The following DPYD variants were observed in gnomAD, a reference collection of about 807,000 sequenced individuals.
DPYD encodes dihydropyrimidine dehydrogenase [NADP(+)].
DPYD carries 109 observed loss-of-function variants against 116.2 expected under a neutral mutation model. The observed-to-expected ratio is 0.94, with a 90% CI of 0.80 to 1.10. The LOEUF (loss-of-function observed/expected upper bound fraction) is 1.10. Ranked by LOEUF, DPYD falls within the 50% of genes least tolerant of loss-of-function variation. The pLI is 0.00. For synonymous variants in DPYD, 440 were observed against 432.0 expected (o/e 1.02, Z -0.23); for missense variants, 1,302 against 1,254.5 (o/e 1.04, Z -0.57).
chr1:97,476,925 C>T (rs1218709567), intron 13 of DPYD, among the ~76,000 whole-genome samples: 1 of 152,066 alleles, frequency 6.6e-6, no homozygotes, highest in Non-Finnish European at 1.5e-5. Context: ...AAAAAATGTA[C>T]ATTCTTTAAT....
chr1:97,107,213 A>C (rs764383188), intron 20 of DPYD, among the ~76,000 whole-genome samples: 11 of 150,694 alleles, frequency 7.3e-5, no homozygotes, highest in Non-Finnish European at 1.5e-4. Context: ...TCTGCAGATG[A>C]CCCCTCCTTT....
At position 97,146,431 on chromosome 1, in the gene DPYD, T is replaced by C. The variant is rs17116476; in HGVS notation, c.2622+46638A>G. Reference sequence around the variant, plus strand: ...ATCATCCCAACCATAAGCTCTTGAATTGGCAAATGTAAAGGAAGCACACCA... The same window carrying C: ...ATCATCCCAACCATAAGCTCTTGAACTGGCAAATGTAAAGGAAGCACACCA... On this transcript the variant is annotated intron_variant, in intron 20 of 22. Transcript: ENST00000370192. 7.4e-3 allele frequency among the ~76,000 whole-genome samples: 1,123 copies of C among 152,238 alleles called. 17 individuals carry two copies. Among genetic ancestry groups the C allele is most frequent in the African/African-American group, 0.025 (1,051 of 41,540 alleles).
chr1:97,661,161 A>C (rs13375516), intron 8 of DPYD, among the ~76,000 whole-genome samples: 23,412 of 152,150 alleles, frequency 0.15, 2,010 homozygotes, highest in African/African-American at 0.22. Flanking sequence ...TTAAAAATAT[A>C]TGCTCATTTG....
At chr1:97,611,459 G>C (rs996199246) in intron 8 of DPYD, among the ~76,000 whole-genome samples, 68 of 152,076 alleles carry the variant, frequency 4.5e-4, no homozygotes, top group African/African-American at 1.6e-3. Context: ...TTTTTCTATA[G>C]AGAGAAAAAA....
At position 97,078,419 on chromosome 1, in the gene DPYD, A is replaced by G. The variant is rs1244718265; in HGVS notation, c.*557T>C. 5.7e-6 allele frequency: 1 copy of G among 173,980 alleles called. No homozygotes were observed. Among genetic ancestry groups the G allele is most frequent in the Non-Finnish European group, 1.2e-5 (1 of 80,954 alleles). 10.8% of individuals were successfully genotyped at this position (173,980 alleles called of 1,614,324 possible). Reference sequence around the variant, plus strand: ...GGGATTTTACTTAATAAAGTTCTACAAACTCAATTTTAGGCTTTCTTATCC... The same window carrying G: ...GGGATTTTACTTAATAAAGTTCTACGAACTCAATTTTAGGCTTTCTTATCC... On this transcript the variant is annotated 3_prime_UTR_variant, in exon 23 of 23. Transcript: ENST00000370192.
chr1:97,822,109 C>T (rs1371805803), intron 3 of DPYD, among the ~76,000 whole-genome samples: 1 of 151,118 alleles, frequency 6.6e-6, no homozygotes, highest in East Asian at 1.9e-4. Flanking sequence ...AAGCATACGC[C>T]TCAAAAAATT....
At chr1:97,154,470 A>G (rs1007570206) in intron 20 of DPYD, among the ~76,000 whole-genome samples, 1 of 152,142 alleles carries the variant, frequency 6.6e-6, no homozygotes, top group African/African-American at 2.4e-5. Flanking sequence ...AGAATGATAC[A>G]GTGGGGCCAG....
At chr1:97,629,093 A>G (rs1390299808) in intron 8 of DPYD, among the ~76,000 whole-genome samples, 1 of 152,062 alleles carries the variant, frequency 6.6e-6, no homozygotes, top group Non-Finnish European at 1.5e-5. Flanking sequence ...AATGATTAAC[A>G]TTAAAAATAA....
chr1:97,570,092 G>T (rs561774075), intron 11 of DPYD, among the ~76,000 whole-genome samples: 5 of 151,946 alleles, frequency 3.3e-5, no homozygotes, highest in Admixed American at 1.3e-4. Context: ...GATATATTAG[G>T]TGTATAACAC....
chr1:97,422,309 C>T (rs747037809), intron 14 of DPYD, among the ~76,000 whole-genome samples: 1 of 152,092 alleles, frequency 6.6e-6, no homozygotes, highest in African/African-American at 2.4e-5. Flanking sequence ...ACAGCTTGCA[C>T]AATTTAATTG....
chr1:97,897,314 G>C (rs1009943018), intron 1 of DPYD, among the ~76,000 whole-genome samples: 2 of 151,574 alleles, frequency 1.3e-5, no homozygotes, highest in African/African-American at 4.8e-5. Flanking sequence ...TCCTCTAGCC[G>C]CTCTGAAGAT....
At position 97,567,671 on chromosome 1, in the gene DPYD, C is replaced by T. The variant is rs114085132; in HGVS notation, c.1339+6089G>A. ...GGTTTTTAATCTTAGTTATGTAATCCCATAATTTTCAAGCATTTAAAATCT... is the reference window on the plus strand; with the variant it reads ...GGTTTTTAATCTTAGTTATGTAATCTCATAATTTTCAAGCATTTAAAATCT... On this transcript the variant is annotated intron_variant, in intron 11 of 22. Transcript: ENST00000370192. 4.1e-3 allele frequency among the ~76,000 whole-genome samples: 623 copies of T among 152,074 alleles called. 7 individuals are homozygous for T. Among genetic ancestry groups the T allele is most frequent in the African/African-American group, 0.014 (598 of 41,480 alleles).
intron 3 of DPYD, among the ~76,000 whole-genome samples, chr1:97,827,860 G>A (rs1331500520): frequency 1.3e-5 from 2 of 152,054 alleles, no homozygotes; most frequent in African/African-American, 2.4e-5. Context: ...TTTAGTATAA[G>A]TATAAAACAA....
At chr1:97,815,151 C>A (rs998999579) in intron 3 of DPYD, among the ~76,000 whole-genome samples, 3 of 151,814 alleles carry the variant, frequency 2.0e-5, no homozygotes, top group Non-Finnish European at 4.4e-5. Flanking sequence ...CAGATATCAC[C>A]TTTGGATATG....
At chr1:97,414,830 G>A (rs541139065) in intron 14 of DPYD, among the ~76,000 whole-genome samples, 89 of 152,318 alleles carry the variant, frequency 5.8e-4, no homozygotes, top group African/African-American at 2.0e-3. Flanking sequence ...ATTGTGTTTG[G>A]CTTTTAGTTT....
At chr1:97,203,677 A>C (rs866033384) in intron 19 of DPYD, among the ~76,000 whole-genome samples, 909 of 44,198 alleles carry the variant, frequency 0.021, 27 homozygotes, top group East Asian at 0.067. Context: ...CCCCCCCCAA[A>C]AAAAAAAAAA....
At chr1:97,349,711 G>A (rs1670041743) in intron 16 of DPYD, among the ~76,000 whole-genome samples, 3 of 152,128 alleles carry the variant, frequency 2.0e-5, no homozygotes, top group Admixed American at 2.0e-4. Flanking sequence ...ATTCCATGGT[G>A]TATATGTGCC....
At chr1:97,500,458 C>T (rs1286242633) in intron 13 of DPYD, among the ~76,000 whole-genome samples, 1 of 151,906 alleles carries the variant, frequency 6.6e-6, no homozygotes, top group Non-Finnish European at 1.5e-5. Flanking sequence ...ATTCAAAGCT[C>T]TTATTTCAAA....
chr1:97,727,093 A>AT (rs1191200479), intron 4 of DPYD, among the ~76,000 whole-genome samples: 1 of 151,662 alleles, frequency 6.6e-6, no homozygotes, highest in East Asian at 1.9e-4. Flanking sequence ...GTGTATGTTT[A>AT]TTTTTTTGAA....
Sources: allele counts gnomAD v4.1 joint callset (sites outside exome capture counted in the v4.1 genomes callset), GRCh38; gene constraint gnomAD v4.1.1; transcripts MANE v1.5; gene names NCBI Gene and HGNC (gene_info 2026-07-23, HGNC 2026-07-21).